Variants in MAP3K20 observed in about 807,000 individuals in gnomAD.
MAP3K20 encodes the protein mitogen-activated protein kinase kinase kinase 20.
MAP3K20 carries 40 observed loss-of-function variants against 85.7 expected under a neutral mutation model. The observed-to-expected ratio is 0.47, with a 90% confidence interval of 0.36 to 0.61. The LOEUF is 0.61. Ranked by LOEUF, MAP3K20 falls within the 20% of genes least tolerant of loss-of-function variation. The pLI, the probability that MAP3K20 is intolerant of heterozygous loss-of-function variation, is 0.00. For missense variants in MAP3K20, 817 were observed against 961.7 expected (o/e 0.85, Z 1.99); for synonymous variants, 325 against 327.7 (o/e 0.99, Z 0.09).
intron 12 of MAP3K20, 42 bp from the exon 13 acceptor site, chr2:173,232,150 A>T: frequency 6.2e-7 from 1 of 1,613,598 alleles, no homozygotes; most frequent in Admixed American, 1.7e-5. Context: ...GCCACTGACC[A>T]TGTGTGAATC....
intron 2 of MAP3K20, among the ~76,000 whole-genome samples, chr2:173,107,417 G>T (rs1687813980): frequency 6.6e-6 from 1 of 152,164 alleles, no homozygotes; most frequent in Admixed American, 6.5e-5. Flanking sequence ...AATACATGCG[G>T]TCCTGTAGGA....
chr2:173,125,099 G>A (rs539171725), intron 2 of MAP3K20, among the ~76,000 whole-genome samples: 2 of 152,318 alleles, frequency 1.3e-5, no homozygotes, highest in South Asian at 4.1e-4. Flanking sequence ...ATGTGGAACT[G>A]AGAGGCAGTT....
chr2:173,085,937 A>G (rs1202520329), intron 1 of MAP3K20, among the ~76,000 whole-genome samples: 1 of 151,806 alleles, frequency 6.6e-6, no homozygotes, highest in East Asian at 1.9e-4. Context: ...CTGTGATTAC[A>G]GATGCACGCC....
At chr2:173,169,189 A>G (rs1689928776) in intron 2 of MAP3K20, among the ~76,000 whole-genome samples, 1 of 152,134 alleles carries the variant, frequency 6.6e-6, no homozygotes, top group Non-Finnish European at 1.5e-5. Context: ...AAATATATAT[A>G]TTGGACTATT....
intron 2 of MAP3K20, among the ~76,000 whole-genome samples, chr2:173,109,475 T>TG (rs1476066006): frequency 5.3e-5 from 8 of 151,582 alleles, no homozygotes; most frequent in Non-Finnish European, 1.0e-4. Context: ...TTTATTATGG[T>TG]GGTTTTTTTT....
At chr2:173,150,221 T>C (rs76178105) in intron 2 of MAP3K20, among the ~76,000 whole-genome samples, 5,148 of 152,350 alleles carry the variant, frequency 0.034, 119 homozygotes, top group Admixed American at 0.054. Flanking sequence ...GGCAATTTAT[T>C]TTTTAAAATA....
intron 1 of MAP3K20, among the ~76,000 whole-genome samples, chr2:173,078,870 C>T (rs1210938799): frequency 6.6e-6 from 1 of 152,144 alleles, no homozygotes; most frequent in African/African-American, 2.4e-5. Context: ...AATGATATGA[C>T]TTTGGAGTCA....
rs755949700 is a variant in MAP3K20, at chr2:173,229,713, G to A, written c.1012G>A (p.Ala338Thr). ...TPLLPSFEIGAWTEDDVYCWV... is the reference protein window; with the variant it reads ...TPLLPSFEIGTWTEDDVYCWV... ...GCTGCTGCCTTCCTTTGAGATTGGT[G>A]CATGGACGGAAGACGATGTGGTAAG... is the stretch of plus-strand genomic sequence containing the variant. The change falls in exon 12 of 20, where the codon GCA (alanine) becomes ACA (threonine). Residue 338 changes from alanine to threonine, a missense_variant. Around this residue, in one of 4 missense-constraint regions of MAP3K20, gnomAD observed 158 missense variants for 162.0 expected, o/e 0.98. Transcript: ENST00000375213. 2 of 1,613,976 alleles carry A rather than the reference G, an allele frequency of 1.2e-6. No homozygotes were observed. The highest frequency in any genetic ancestry group is 1.7e-6 in the Non-Finnish European group (2 of 1,179,980).
chr2:173,230,539 G>C (rs533442808), intron 12 of MAP3K20, among the ~76,000 whole-genome samples: 1 of 152,200 alleles, frequency 6.6e-6, no homozygotes, highest in East Asian at 1.9e-4. Flanking sequence ...GCTTTAGCCA[G>C]AGAAGCCCTA....
At chr2:173,164,188 G>A (rs1689747851) in intron 2 of MAP3K20, among the ~76,000 whole-genome samples, 1 of 152,064 alleles carries the variant, frequency 6.6e-6, no homozygotes, top group Admixed American at 6.6e-5. Flanking sequence ...TCCAACTCCT[G>A]CCCTTGTGAT....
chr2:173,205,102 CAAAA>C (rs1191556180), intron 9 of MAP3K20, among the ~76,000 whole-genome samples: 1,611 of 53,854 alleles, frequency 0.03, 8 homozygotes, highest in Middle Eastern at 0.043. Context: ...GACTCTGTCT[CAAAA>C]AAAAAAAAAA....
chr2:173,128,760 T>TA (rs150008164), intron 2 of MAP3K20, among the ~76,000 whole-genome samples: 5,305 of 152,216 alleles, frequency 0.035, 334 homozygotes, highest in African/African-American at 0.12. Flanking sequence ...AAGTGCAAAA[T>TA]AATCACTTCC....
chr2:173,099,336 T>TG (rs1160375000), intron 2 of MAP3K20, among the ~76,000 whole-genome samples: 1 of 48,742 alleles, frequency 2.1e-5, no homozygotes, highest in African/African-American at 1.7e-4. Context: ...TTTTGTTTTG[T>TG]TTTTTTTTTT....
intron 1 of MAP3K20, among the ~76,000 whole-genome samples, chr2:173,085,703 A>G (rs925726844): frequency 2.0e-5 from 3 of 152,050 alleles, no homozygotes; most frequent in Non-Finnish European, 4.4e-5. Flanking sequence ...TTGAGAGTTT[A>G]TAAAACAACA....
chr2:173,083,648 G>A (rs1222670435), intron 1 of MAP3K20, among the ~76,000 whole-genome samples: 4 of 152,016 alleles, frequency 2.6e-5, no homozygotes, highest in African/African-American at 4.8e-5. Context: ...TCATTTTTTT[G>A]AAGATAAGAC....
intron 10 of MAP3K20, among the ~76,000 whole-genome samples, chr2:173,213,494 C>T (rs562186183): frequency 1.3e-5 from 2 of 152,350 alleles, no homozygotes; most frequent in East Asian, 1.9e-4. Context: ...ATAATAAACA[C>T]AGTTGTCACT....
chr2:173,226,276 T>C (rs1684385348), intron 11 of MAP3K20: 2 of 985,300 alleles, frequency 2.0e-6, no homozygotes, highest in Non-Finnish European at 2.4e-6. Context: ...TTCATTGGAA[T>C]GGTAAGAGTT....
At chr2:173,249,198 T>G (rs930375946) in intron 16 of MAP3K20, among the ~76,000 whole-genome samples, 2 of 152,222 alleles carry the variant, frequency 1.3e-5, no homozygotes, top group Non-Finnish European at 2.9e-5. Flanking sequence ...GGCACAGTTG[T>G]CTATAGGAGA....
At chr2:173,217,958 ATT>A (rs1325647209) in intron 11 of MAP3K20, among the ~76,000 whole-genome samples, 1 of 152,232 alleles carries the variant, frequency 6.6e-6, no homozygotes, top group Non-Finnish European at 1.5e-5. Context: ...AAATTTTAGC[ATT>A]CTTTCCTATT....
Sources: gnomAD v4.1 joint callset for allele counts (sites outside exome capture counted in the v4.1 genomes callset) on GRCh38, gnomAD v4.1.1 for gene constraint, gnomAD v4.1.1 regional missense constraint, MANE v1.5 for transcripts, NCBI Gene and HGNC (gene_info 2026-07-23, HGNC 2026-07-21) for gene names.